Variants in TBC1D2 observed in about 807,000 individuals in gnomAD.
The protein encoded by TBC1D2 is TBC1 domain family member 2.
In TBC1D2, 58 loss-of-function variants were observed where a neutral mutation model predicts 91.1. That is an observed-to-expected ratio of 0.64 (90% CI 0.52 to 0.79). TBC1D2 has a LOEUF of 0.79. Among genes scored for constraint, TBC1D2 ranks in the 30% least tolerant of loss-of-function variants. The pLI, the probability that TBC1D2 is intolerant of heterozygous loss-of-function variation, is 0.00. For synonymous variants in TBC1D2, 482 were observed against 511.5 expected, an observed-to-expected ratio of 0.94 and a Z score of 0.78; for missense variants, 1,080 against 1,208.3, an observed-to-expected ratio of 0.89 and a Z score of 1.57.
Position 98,210,692 on chromosome 9 carries a change from TC to T in TBC1D2, c.1636del (p.Glu546ArgfsTer9). ...VQEALQWEAGEASSDSIELSP... is the reference protein window; with the variant it reads ...VQEALQWEAGXASSDSIELSP... The stretch of plus-strand genomic sequence containing the variant: ...CAGCTCGATGCTGTCAGATGAGGCC[TC>T]CCCAGCTTCCCACTGCAGTGCCTCC... On this transcript the variant is annotated frameshift_variant, in exon 8 of 13. Transcript: ENST00000465784. LOFTEE classifies it high-confidence loss of function. 6.2e-7 allele frequency: 1 copy of T among 1,603,524 alleles called. No individual in the cohort carries two copies. Among genetic ancestry groups the T allele is most frequent in the Non-Finnish European group, 8.5e-7 (1 of 1,175,148 alleles).
chr9:98,247,324 C>T (rs553746816), intron 2 of TBC1D2, among the ~76,000 whole-genome samples: 12 of 133,702 alleles, frequency 9.0e-5, no homozygotes, highest in Admixed American at 2.3e-4. Flanking sequence ...GGCGAGACTC[C>T]GTCTCAAAAA....
At chr9:98,210,551 G>A in intron 8 of TBC1D2, 105 bp downstream of exon 8, 5 of 1,102,730 alleles carry the variant, frequency 4.5e-6, no homozygotes, top group Non-Finnish European at 6.3e-6. Flanking sequence ...AGAGGAGGTA[G>A]TGCTGTGTAG....
intron 2 of TBC1D2, among the ~76,000 whole-genome samples, chr9:98,250,115 G>T (rs963930010): frequency 6.6e-6 from 1 of 152,186 alleles, no homozygotes; most frequent in Non-Finnish European, 1.5e-5. Context: ...GTCTGAGAAG[G>T]CTTCCAGGAG....
At chr9:98,253,981 G>A (rs117338374) in intron 1 of TBC1D2, among the ~76,000 whole-genome samples, 1 of 152,200 alleles carries the variant, frequency 6.6e-6, no homozygotes, top group African/African-American at 2.4e-5. Flanking sequence ...CAGTCAACCT[G>A]TGGAAGAGAC....
intron 9 of TBC1D2, among the ~76,000 whole-genome samples, chr9:98,205,854 G>C (rs961726811): frequency 1.3e-5 from 2 of 152,068 alleles, no homozygotes; most frequent in Non-Finnish European, 2.9e-5. Context: ...GAGCCACGGC[G>C]CCGGGCCCAC....
chr9:98,239,342 T>C (rs1227983069), intron 3 of TBC1D2, among the ~76,000 whole-genome samples: 1 of 152,210 alleles, frequency 6.6e-6, no homozygotes, highest in Admixed American at 6.5e-5. Context: ...CAAGATCCAC[T>C]GCGCCTGGCC....
At chr9:98,219,584 T>A (rs959280183) in intron 6 of TBC1D2, among the ~76,000 whole-genome samples, 2 of 152,204 alleles carry the variant, frequency 1.3e-5, no homozygotes, top group African/African-American at 4.8e-5. Context: ...CGCACCCAGC[T>A]AGATGGTGTA....
intron 3 of TBC1D2, 124 bp downstream of exon 3, chr9:98,243,870 T>C: frequency 1.5e-6 from 2 of 1,302,746 alleles, no homozygotes; most frequent in Non-Finnish European, 2.1e-6. Context: ...ATGTGATTAA[T>C]TGAAAATAAA....
chr9:98,213,875 G>C (rs976545879), intron 6 of TBC1D2, among the ~76,000 whole-genome samples: 6 of 152,164 alleles, frequency 3.9e-5, no homozygotes, highest in African/African-American at 1.4e-4. Context: ...AAACATCTCT[G>C]AGTTTTCCTT....
intron 7 of TBC1D2, among the ~76,000 whole-genome samples, chr9:98,211,590 C>A (rs1828841694): frequency 6.6e-6 from 1 of 152,190 alleles, no homozygotes; most frequent in African/African-American, 2.4e-5. Context: ...GCCATGATCT[C>A]TGGGCCACCC....
chr9:98,202,295 T>A (rs1365124706), intron 10 of TBC1D2, among the ~76,000 whole-genome samples: 1 of 152,238 alleles, frequency 6.6e-6, no homozygotes, highest in Non-Finnish European at 1.5e-5. Flanking sequence ...CTGGATGGGT[T>A]AACCACTCTC....
rs1346831561 is a variant in TBC1D2 at position 98,199,509 on chromosome 9, C to G, written c.2659G>C (p.Glu887Gln). ...QLRQLRMVHR[E>Q]RLEAELRELE... ...TCCCGCAGCTCAGCCTCCAGCCGCT[C>G]CCGGTGGACCATGCGCAGCTGCCGC... The change falls in exon 13 of 13, where the codon GAG (glutamate) becomes CAG (glutamine). Residue 887 changes from glutamate to glutamine, a missense_variant. By Grantham distance (29) the Glu-to-Gln change is conservative. Transcript: ENST00000465784. 6.2e-7 allele frequency: 1 copy of G among 1,614,204 alleles called. No individual in the cohort carries two copies. Among genetic ancestry groups the G allele is most frequent in the Non-Finnish European group, 8.5e-7 (1 of 1,180,048 alleles).
rs113022699 is a variant in TBC1D2, at chr9:98,243,515, C to T, written c.647+479G>A. On this transcript the variant is annotated intron_variant, in intron 3 of 12. Coordinates refer to ENST00000465784, the MANE Select transcript of TBC1D2 (RefSeq NM_001267571.2). ...TCTGATTTCCTATAATGAACATGTACCACTTTTCCAATGAATGTATTTTTT... is the reference window on the plus strand; with the variant it reads ...TCTGATTTCCTATAATGAACATGTATCACTTTTCCAATGAATGTATTTTTT... Among the ~76,000 whole-genome samples, 645 of 151,294 alleles carry T rather than the reference C, an allele frequency of 4.3e-3. 4 individuals carry two copies. The highest frequency in any genetic ancestry group is 0.015 in the African/African-American group (625 of 41,018).
chr9:98,201,567 A>G lies in TBC1D2; in HGVS notation c.2369T>C (p.Phe790Ser), dbSNP rs768618403. ...QHHVDLSLVT[F>S]NWFLVVFADS... is the part of the protein sequence containing the mutation. ...CGCAAAGACCACGAGGAACCAGTTG[A>G]AGGTGACGAGGGAGAGATCCACGTG... is the stretch of plus-strand genomic sequence containing the variant. Residue 790 changes from phenylalanine (F) to serine (S), a missense_variant, in exon 11 of 13, where the codon TTC becomes TCC. Coordinates refer to ENST00000465784, the MANE Select transcript of TBC1D2 (RefSeq NM_001267571.2). The G allele has an allele frequency of 1.4e-5, 22 of 1,614,014 alleles. No homozygotes were observed. Among genetic ancestry groups the G allele is most frequent in the Non-Finnish European group, 1.7e-5 (20 of 1,180,022 alleles).
intron 6 of TBC1D2, 109 bp downstream of exon 6, chr9:98,220,724 G>C: frequency 7.4e-7 from 1 of 1,357,424 alleles, no homozygotes; most frequent in Non-Finnish European, 1.0e-6. Context: ...TAGGATGAAG[G>C]GGTATCCCCA....
In TBC1D2 at chr9:98,221,186, G is replaced by A. The variant is rs1390155430; in HGVS notation, c.1021C>T (p.Gln341Ter). The change falls in exon 6 of 13, where the codon CAG becomes TAG. Residue 341 changes from glutamine (Q) to a stop codon, truncating the protein, a stop_gained. Coordinates refer to ENST00000465784, the MANE Select transcript of TBC1D2 (RefSeq NM_001267571.2). LOFTEE classifies it high-confidence loss of function. ...ILHKALEAAQQEKRASSAYLA... is the reference protein window; with the variant it reads ...ILHKALEAAQ ...TATGCGCTGGACGCCCGCTTCTCCTGCTGGGCGGCCTCCAGTGCCTTGTGC... is the reference window on the plus strand; with the variant it reads ...TATGCGCTGGACGCCCGCTTCTCCTACTGGGCGGCCTCCAGTGCCTTGTGC... 5 of 1,557,182 alleles carry A rather than the reference G, an allele frequency of 3.2e-6. No homozygotes were observed. The South Asian group carries it at 5.9e-5, about 18-fold the overall frequency.
intron 3 of TBC1D2, among the ~76,000 whole-genome samples, chr9:98,238,825 C>A (rs1291974317): frequency 7.1e-6 from 1 of 140,060 alleles, no homozygotes; most frequent in South Asian, 2.1e-4. Context: ...TGGGTTCAAG[C>A]AATTCTCCTG....
intron 5 of TBC1D2, among the ~76,000 whole-genome samples, chr9:98,227,431 A>C (rs1829257996): frequency 6.6e-6 from 1 of 152,002 alleles, no homozygotes; most frequent in Non-Finnish European, 1.5e-5. Context: ...TCCTTTGAGA[A>C]CTCTAATGTC....
At chr9:98,250,012 C>T (rs573693259) in intron 2 of TBC1D2, among the ~76,000 whole-genome samples, 79 of 151,738 alleles carry the variant, frequency 5.2e-4, no homozygotes, top group Admixed American at 2.1e-3. Context: ...TGGACAAGGA[C>T]GGGGGTAATT....
Sources: allele counts gnomAD v4.1 joint callset (sites outside exome capture counted in the v4.1 genomes callset), GRCh38; gene constraint gnomAD v4.1.1; transcripts MANE v1.5; gene names NCBI Gene and HGNC (gene_info 2026-07-23, HGNC 2026-07-21).